DNAH14: variants seen among roughly 807,000 people sequenced by gnomAD.
The protein encoded by DNAH14 is axonemal beta dynein heavy chain 14.
In DNAH14, 478 loss-of-function variants were observed where a neutral mutation model predicts 520.9. The observed-to-expected ratio is 0.92, with a 90% CI of 0.85 to 0.99. The LOEUF (loss-of-function observed/expected upper bound fraction) is 0.99, where lower values mean the gene tolerates loss of function less well. DNAH14 is among the 50% of genes least tolerant of loss of function. DNAH14 has a pLI of 0.00. For missense variants in DNAH14, 4,831 were observed against 5,234.5 expected, an observed-to-expected ratio of 0.92 and a Z score of 2.38; for synonymous variants, 1,581 against 1,757.2, an observed-to-expected ratio of 0.90 and a Z score of 2.51.
rs772298303 is a variant in DNAH14, at chr1:225,051,617, G to A, written c.2246G>A (p.Arg749Lys). The A allele has an allele frequency of 6.4e-7, 1 of 1,550,850 alleles. No individual in the cohort carries two copies. The highest frequency in any genetic ancestry group is 2.0e-5 in the Admixed American group (1 of 50,948). ...TSKEFEAILN[R>K]FRNYFRHIVN... ...AAAGAATTTGAAGCTATTCTAAATA[G>A]ATTCAGAAACTATTTTAGACATATT... Residue 749 changes from arginine (R) to lysine (K), a missense_variant, in exon 17 of 86, where the codon AGA (arginine) becomes AAA (lysine). Arg to Lys is a conservative substitution (Grantham distance 26). Coordinates refer to ENST00000682510, the MANE Select transcript of DNAH14 (RefSeq NM_001367479.1).
At chr1:225,140,606 A>G in intron 27 of DNAH14, 162 bp from the exon 28 acceptor site, 2 of 560,362 alleles carry the variant, frequency 3.6e-6, no homozygotes, top group Non-Finnish European at 5.9e-6. Context: ...TTCAATCTTT[A>G]GCCCTCAAAT....
chr1:225,193,658 A>G (rs1411237397), intron 38 of DNAH14, among the ~76,000 whole-genome samples: 1 of 152,148 alleles, frequency 6.6e-6, no homozygotes, highest in Non-Finnish European at 1.5e-5. Context: ...GATGCCCACT[A>G]TCACTACTCC....
chr1:225,349,591 A>G (rs944326452), intron 71 of DNAH14, among the ~76,000 whole-genome samples: 2 of 152,204 alleles, frequency 1.3e-5, no homozygotes, highest in Admixed American at 6.5e-5. Flanking sequence ...TAGGCTGACA[A>G]TGCAAGAATG....
chr1:225,243,457 C>T (rs996449846), intron 43 of DNAH14, among the ~76,000 whole-genome samples: 2 of 151,962 alleles, frequency 1.3e-5, no homozygotes, highest in Non-Finnish European at 2.9e-5. Flanking sequence ...AAAACCTAAT[C>T]TGTTAAGGAA....
intron 8 of DNAH14, among the ~76,000 whole-genome samples, chr1:224,999,885 A>G (rs2063639316): frequency 6.6e-6 from 1 of 152,136 alleles, no homozygotes; most frequent in Non-Finnish European, 1.5e-5. Context: ...TTTTATGCAT[A>G]CATTTGAAAC....
intron 44 of DNAH14, among the ~76,000 whole-genome samples, chr1:225,257,618 C>T (rs1315125538): frequency 1.3e-5 from 2 of 151,418 alleles, no homozygotes; most frequent in Non-Finnish European, 2.9e-5. Context: ...TCACTGCAAG[C>T]TCCGCCTCCT....
At position 225,310,076 on chromosome 1, in the gene DNAH14, TAAATAA is replaced by T. The variant is rs915562761; in HGVS notation, c.9240+1667_9240+1672del. On this transcript the variant is annotated intron_variant, in intron 60 of 85. Transcript: ENST00000682510. ...AAAAAAAGAAAAATAAATAAATAAA[TAAATAA>T]GAGTACGGCTTAATTTCAGTATTTA... is the stretch of plus-strand genomic sequence containing the variant. 8.1e-4 allele frequency among the ~76,000 whole-genome samples: 122 copies of T among 151,362 alleles called. 1 individual carries two copies. Among genetic ancestry groups the T allele is most frequent in the African/African-American group, 2.8e-3 (115 of 41,444 alleles).
At chr1:225,379,469 T>C (rs79497812) in intron 79 of DNAH14, among the ~76,000 whole-genome samples, 1,907 of 152,230 alleles carry the variant, frequency 0.013, 42 homozygotes, top group African/African-American at 0.042. Context: ...TAACATTAGA[T>C]AGATCTGTAG....
chr1:225,214,587 C>A (rs2089000913), intron 41 of DNAH14, among the ~76,000 whole-genome samples: 1 of 152,078 alleles, frequency 6.6e-6, no homozygotes, highest in Admixed American at 6.6e-5. Flanking sequence ...ATTTCAGAGT[C>A]TGTTATTGAT....
At chr1:224,962,633 G>C (rs981827084) in intron 4 of DNAH14, among the ~76,000 whole-genome samples, 1 of 152,112 alleles carries the variant, frequency 6.6e-6, no homozygotes, top group African/African-American at 2.4e-5. Flanking sequence ...TTTGATTTCT[G>C]CCCTGCGAGA....
At position 225,399,177 on chromosome 1, in the gene DNAH14, T is replaced by G; in HGVS notation, c.13762T>G (p.Phe4588Val). The change falls in exon 86 of 86, where the codon TTT (phenylalanine) becomes GTT (valine). Residue 4588 changes from phenylalanine to valine, a missense_variant. Physicochemically the swap from Phe to Val is conservative, Grantham distance 50. Transcript: ENST00000682510. ...ILATTGLPTNFLTSVYLSTKK... is the reference protein window; with the variant it reads ...ILATTGLPTNVLTSVYLSTKK... ...GGCAACTACCGGTTTACCAACAAAC[T>G]TTTTAACATCAGTGTATTTATCAAC... 1 of 1,551,720 alleles carries G rather than the reference T, an allele frequency of 6.4e-7. No homozygotes were observed. The highest frequency in any genetic ancestry group is 1.2e-5 in the South Asian group (1 of 84,050).
Position 225,289,960 on chromosome 1 carries a change from G to T in DNAH14, c.8347G>T (p.Val2783Leu). ...TTTGACAGATAATAAACTATACCGA[G>T]TGCCTATATCTCACAAATGTGCCTA... is the stretch of plus-strand genomic sequence containing the variant. ...CYLTDNKLYR[V>L]PISHKCAYIE... Residue 2783 changes from valine (V) to leucine (L), a missense_variant, in exon 55 of 86, where the codon GTG (valine) becomes TTG (leucine). Val to Leu is a conservative substitution (Grantham distance 32). Coordinates refer to ENST00000682510, the MANE Select transcript of DNAH14 (RefSeq NM_001367479.1). 6.5e-7 allele frequency: 1 copy of T among 1,538,994 alleles called. No individual in the cohort carries two copies. Among genetic ancestry groups the T allele is most frequent in the South Asian group, 1.2e-5 (1 of 81,932 alleles).
chr1:225,074,941 C>T (rs1192840906), intron 17 of DNAH14, among the ~76,000 whole-genome samples: 1 of 152,128 alleles, frequency 6.6e-6, no homozygotes, highest in Non-Finnish European at 1.5e-5. Context: ...TGCTTGGTGC[C>T]CTGGATTCAG....
intron 25 of DNAH14, 78 bp downstream of exon 25, chr1:225,118,077 A>T (rs553060262): frequency 1.8e-6 from 2 of 1,118,918 alleles, no homozygotes; most frequent in African/African-American, 1.6e-5. Flanking sequence ...TTTTTGATAT[A>T]TTATAAAAGT....
chr1:225,312,978 C>T (rs1457917989), intron 60 of DNAH14, among the ~76,000 whole-genome samples: 1 of 152,158 alleles, frequency 6.6e-6, no homozygotes, highest in South Asian at 2.1e-4. Flanking sequence ...GGGGAGGAAT[C>T]CCTCTTTTTC....
At chr1:225,265,045 A>G (rs1403397908) in intron 47 of DNAH14, 137 bp from the exon 48 acceptor site, 2 of 649,854 alleles carry the variant, frequency 3.1e-6, no homozygotes, top group East Asian at 3.2e-5. Context: ...CCAAAGTTCT[A>G]TCGGAGTAAT....
intron 57 of DNAH14, among the ~76,000 whole-genome samples, chr1:225,304,087 A>C (rs1311797365): frequency 6.6e-6 from 1 of 152,168 alleles, no homozygotes; most frequent in Admixed American, 6.5e-5. Flanking sequence ...AATCATCAGG[A>C]CTAGGTTATG....
chr1:225,301,061 TGTC>T, intron 56 of DNAH14, 31 bp downstream of exon 56: 1 of 1,534,454 alleles, frequency 6.5e-7, no homozygotes, highest in Non-Finnish European at 8.8e-7. Flanking sequence ...TTTATCAAAT[TGTC>T]ATGTTAAAAG....
At chr1:225,300,739 TA>T (rs539784290) in intron 55 of DNAH14, 129 bp from the exon 56 acceptor site, 75,285 of 747,692 alleles carry the variant, frequency 0.1, 1,499 homozygotes, top group South Asian at 0.13. Context: ...AGATTAGCTT[TA>T]AAAAAAAAAA....
Sources: allele counts gnomAD v4.1 joint callset (sites outside exome capture counted in the v4.1 genomes callset), GRCh38; gene constraint gnomAD v4.1.1; transcripts MANE v1.5; gene names NCBI Gene and HGNC (gene_info 2026-07-23, HGNC 2026-07-21).